The following AP2B1 variants were observed in gnomAD, a reference collection of about 807,000 sequenced individuals.
The protein encoded by AP2B1 is adaptor related protein complex 2 subunit beta 1.
A neutral mutation model predicts 102.0 loss-of-function variants in AP2B1; 23 were observed. The observed-to-expected ratio is 0.23, with a 90% confidence interval of 0.16 to 0.32. The LOEUF (loss-of-function observed/expected upper bound fraction) is 0.32. AP2B1 is among the 10% of genes least tolerant of loss of function. AP2B1 has a pLI of 1.00. For missense variants in AP2B1, 541 were observed against 1,157.4 expected (o/e 0.47, Z 7.73); for synonymous variants, 381 against 421.2 (o/e 0.90, Z 1.17).
chr17:35,706,662 A>G (rs2076345787), intron 18 of AP2B1, among the ~76,000 whole-genome samples: 1 of 148,508 alleles, frequency 6.7e-6, no homozygotes, highest in Non-Finnish European at 1.5e-5. Flanking sequence ...TTTTTTTTTG[A>G]GGCAGTTCAC....
intron 13 of AP2B1, among the ~76,000 whole-genome samples, chr17:35,657,122 C>T (rs958715348): frequency 6.6e-6 from 1 of 152,026 alleles, no homozygotes; most frequent in African/African-American, 2.4e-5. Context: ...GAATCAGCAC[C>T]GTTGATTTTG....
Position 35,624,383 on chromosome 17 carries a change from C to T in AP2B1, c.526-14C>T. 1 of 1,613,280 alleles carries T rather than the reference C, an allele frequency of 6.2e-7. No individual in the cohort carries two copies. Among genetic ancestry groups the T allele is most frequent in the South Asian group, 1.1e-5 (1 of 90,944 alleles). The stretch of plus-strand genomic sequence containing the variant: ...GTTCTTGGTGAATCAAGGTCATACC[C>T]CCTTCTTTTCCAGGTGGTGGCTAAT... On this transcript the variant is annotated splice_polypyrimidine_tract_variant and intron_variant, in intron 5 of 21. Transcript: ENST00000610402.
intron 12 of AP2B1, among the ~76,000 whole-genome samples, chr17:35,649,703 A>G (rs2075037663): frequency 6.6e-6 from 1 of 152,236 alleles, no homozygotes; most frequent in Non-Finnish European, 1.5e-5. Context: ...TTATAGTTAC[A>G]TCCCTTGAAA....
chr17:35,611,893 T>C (rs34063751), intron 5 of AP2B1, among the ~76,000 whole-genome samples: 11,118 of 152,278 alleles, frequency 0.073, 467 homozygotes, highest in Middle Eastern at 0.11. Context: ...CATAATATTA[T>C]AGTAAACTGT....
At chr17:35,696,609 G>A (rs922145343) in intron 18 of AP2B1, among the ~76,000 whole-genome samples, 6 of 151,582 alleles carry the variant, frequency 4.0e-5, no homozygotes, top group Non-Finnish European at 8.8e-5. Context: ...GGCTGGTCTC[G>A]AACAACTAAC....
At chr17:35,680,792 G>C (rs112346425) in intron 17 of AP2B1, among the ~76,000 whole-genome samples, 6,651 of 149,738 alleles carry the variant, frequency 0.044, 174 homozygotes, top group African/African-American at 0.069. Flanking sequence ...CGCCTCCCGG[G>C]TTCAAACAAT....
chr17:35,702,795 A>ATTAAG (rs2076262382), intron 18 of AP2B1, among the ~76,000 whole-genome samples: 1 of 152,160 alleles, frequency 6.6e-6, no homozygotes, highest in East Asian at 1.9e-4. Context: ...GGGAGGGGAG[A>ATTAAG]TTAAGAGTTT....
chr17:35,659,738 C>A, intron 14 of AP2B1: 1 of 918,170 alleles, frequency 1.1e-6, no homozygotes, highest in Non-Finnish European at 1.3e-6. Context: ...ACTTTGGGAT[C>A]TAAAATGGTA....
chr17:35,595,105 G>A (rs2073224217), intron 2 of AP2B1, among the ~76,000 whole-genome samples: 1 of 152,150 alleles, frequency 6.6e-6, no homozygotes, highest in Admixed American at 6.5e-5. Flanking sequence ...GCTTAATTAT[G>A]TCAGTTTGTT....
chr17:35,711,007 C>T (rs587702978), intron 20 of AP2B1, among the ~76,000 whole-genome samples: 24 of 152,296 alleles, frequency 1.6e-4, no homozygotes, highest in African/African-American at 5.1e-4. Flanking sequence ...GAGCTCCGTA[C>T]TCTTTCATAG....
intron 12 of AP2B1, among the ~76,000 whole-genome samples, chr17:35,648,290 C>T (rs368912539): frequency 6.6e-6 from 1 of 152,018 alleles, no homozygotes; most frequent in Non-Finnish European, 1.5e-5. Flanking sequence ...CTGAGGTGGG[C>T]GGATGACTTA....
At chr17:35,590,924 CAGCACTTTGGG>C (rs1159012106) in intron 1 of AP2B1, among the ~76,000 whole-genome samples, 1 of 152,014 alleles carries the variant, frequency 6.6e-6, no homozygotes, top group Non-Finnish European at 1.5e-5. Flanking sequence ...CCTGTAATCC[CAGCACTTTGGG>C]AGGCCGAGGT....
chr17:35,656,131 TC>T (rs1215710504), intron 13 of AP2B1, among the ~76,000 whole-genome samples: 1 of 152,224 alleles, frequency 6.6e-6, no homozygotes, highest in East Asian at 1.9e-4. Context: ...TTACTTTTTT[TC>T]TTTTGTGGCT....
At chr17:35,694,357 C>T (rs2076097505) in intron 18 of AP2B1, among the ~76,000 whole-genome samples, 1 of 150,872 alleles carries the variant, frequency 6.6e-6, no homozygotes, top group African/African-American at 2.4e-5. Context: ...GATCTTCCCA[C>T]CTTAGCCTCC....
At chr17:35,716,280 T>G (rs2076549333) in intron 20 of AP2B1, among the ~76,000 whole-genome samples, 1 of 152,242 alleles carries the variant, frequency 6.6e-6, no homozygotes. Flanking sequence ...GAAGCAGTGC[T>G]TGTCATCTCT....
chr17:35,680,208 G>A (rs1486547752), intron 17 of AP2B1, among the ~76,000 whole-genome samples: 3 of 152,078 alleles, frequency 2.0e-5, no homozygotes, highest in South Asian at 4.2e-4. Context: ...GCACCAGCCT[G>A]TATAAACTCT....
At chr17:35,655,804 T>C (rs2075205498) in intron 13 of AP2B1, among the ~76,000 whole-genome samples, 1 of 152,190 alleles carries the variant, frequency 6.6e-6, no homozygotes, top group Non-Finnish European at 1.5e-5. Context: ...CAATGCTTGG[T>C]AGTTTAGTTT....
chr17:35,657,216 C>T (rs2075251380), intron 13 of AP2B1, among the ~76,000 whole-genome samples: 1 of 152,146 alleles, frequency 6.6e-6, no homozygotes, highest in Non-Finnish European at 1.5e-5. Flanking sequence ...GCTTTTTATT[C>T]ATTTTGTAAA....
intron 16 of AP2B1, among the ~76,000 whole-genome samples, chr17:35,673,308 C>G (rs955821433): frequency 6.6e-6 from 1 of 152,020 alleles, no homozygotes; most frequent in African/African-American, 2.4e-5. Flanking sequence ...CCTCAGCCTC[C>G]CCAGTAGCTG....
Sources: gnomAD v4.1 joint callset for allele counts (sites outside exome capture counted in the v4.1 genomes callset) on GRCh38, gnomAD v4.1.1 for gene constraint, MANE v1.5 for transcripts, NCBI Gene and HGNC (gene_info 2026-07-23, HGNC 2026-07-21) for gene names.